NEK10: variants seen among roughly 807,000 people sequenced by gnomAD.
The protein encoded by NEK10 is NIMA related kinase 10.
A neutral mutation model predicts 159.8 loss-of-function variants in NEK10; 122 were observed. The ratio of observed to expected loss-of-function variants is 0.76; its 90% confidence interval spans 0.66 to 0.89. The LOEUF is 0.89. Ranked by LOEUF, NEK10 falls within the 40% of genes least tolerant of loss-of-function variation. The pLI is 0.00. For missense variants in NEK10, 1,342 were observed against 1,323.1 expected (o/e 1.01, Z -0.22); for synonymous variants, 466 against 457.1 (o/e 1.02, Z -0.25).
intron 23 of NEK10, among the ~76,000 whole-genome samples, chr3:27,229,601 C>A (rs1953012269): frequency 6.6e-6 from 1 of 151,702 alleles, no homozygotes; most frequent in Non-Finnish European, 1.5e-5. Flanking sequence ...AAGGTTAAAA[C>A]CAACATAAAG....
rs1168983506 is a variant in NEK10, at chr3:27,227,889, C to T, written c.2091-25332G>A. ...ACTCTTGAGTGGTATAATAGCGTGG[C>T]AGGCAATTTGAGTAAAAACTGCTTT... On this transcript the variant is annotated intron_variant, in intron 23 of 35. Transcript: ENST00000691995. Among the ~76,000 whole-genome samples the T allele has an allele frequency of 2.0e-5, 3 of 152,168 alleles. No homozygotes were observed. The East Asian group carries it at 5.8e-4, about 29-fold the overall frequency.
intron 30 of NEK10, among the ~76,000 whole-genome samples, chr3:27,148,127 T>G (rs1944485097): frequency 6.6e-6 from 1 of 152,146 alleles, no homozygotes; most frequent in Non-Finnish European, 1.5e-5. Context: ...TGAACAAGGT[T>G]CCAGCTATAG....
intron 19 of NEK10, among the ~76,000 whole-genome samples, chr3:27,289,278 C>T (rs934496352): frequency 3.3e-5 from 5 of 152,220 alleles, no homozygotes; most frequent in African/African-American, 1.2e-4. Context: ...TCTTTCTAAG[C>T]ACCTGCATTT....
chr3:27,353,099 A>C (rs1280067492), intron 1 of NEK10, among the ~76,000 whole-genome samples, 180 bp from the exon 2 acceptor site: 1 of 152,226 alleles, frequency 6.6e-6, no homozygotes, highest in Non-Finnish European at 1.5e-5. Flanking sequence ...TTCAAAGGAC[A>C]TTGGGAACAT....
At chr3:27,357,345 G>C (rs961300049) in intron 1 of NEK10, among the ~76,000 whole-genome samples, 3 of 152,130 alleles carry the variant, frequency 2.0e-5, no homozygotes, top group Non-Finnish European at 4.4e-5. Flanking sequence ...TACTTTTTTA[G>C]GTCAACAAAT....
intron 8 of NEK10, chr3:27,311,762 T>C (rs550528948): frequency 3.7e-6 from 1 of 269,388 alleles, no homozygotes; most frequent in South Asian, 5.0e-5. Context: ...TAGGCAATCA[T>C]GATTAACCCA....
rs1028464766 is a variant in NEK10, at chr3:27,301,923, T to G, written c.1029-88A>C. 3 of 1,027,156 alleles carry G rather than the reference T, an allele frequency of 2.9e-6. No homozygotes were observed. In the African/African-American group the frequency reaches 4.8e-5, roughly 16 times the overall value. The allele number at this position is 1,027,156 out of a possible 1,614,324, so 63.6% of individuals were successfully genotyped here. A position where few individuals can be genotyped will look rare whatever the true frequency, so the allele number is the denominator to read the frequency against. On this transcript the variant is annotated intron_variant, in intron 12 of 35. Transcript: ENST00000691995. ...GTGTCACATTTAAGAAATCTTTGCC[T>G]CCCTCAGGTCATGAAGGCATCATTA... is the stretch of plus-strand genomic sequence containing the variant.
At chr3:27,161,928 C>G (rs1443323838) in intron 30 of NEK10, among the ~76,000 whole-genome samples, 1 of 151,784 alleles carries the variant, frequency 6.6e-6, no homozygotes, top group African/African-American at 2.4e-5. Flanking sequence ...TCACTTGAAC[C>G]TGGGAGGTGA....
intron 22 of NEK10, among the ~76,000 whole-genome samples, chr3:27,282,762 A>G (rs2042300922): frequency 7.1e-6 from 1 of 140,784 alleles, no homozygotes. Flanking sequence ...TATATATACT[A>G]TTTGTTATAA....
chr3:27,322,161 T>G lies in NEK10; in HGVS notation c.447+16A>C. ...TTATAACAAGTAAAAAAAAAAATTGTATTTTTCCAACCAACCTGATAACAT... is the reference window on the plus strand; with the variant it reads ...TTATAACAAGTAAAAAAAAAAATTGGATTTTTCCAACCAACCTGATAACAT... On this transcript the variant is annotated intron_variant, in intron 6 of 35. Coordinates refer to ENST00000691995, the MANE Select transcript of NEK10 (RefSeq NM_001394966.1). 7.0e-7 allele frequency: 1 copy of G among 1,420,326 alleles called. No homozygotes were observed. Among genetic ancestry groups the G allele is most frequent in the Admixed American group, 2.2e-5 (1 of 45,116 alleles). 88.0% of individuals were successfully genotyped at this position (1,420,326 alleles called of 1,614,324 possible). A position where few individuals can be genotyped will look rare whatever the true frequency, so the allele number is the denominator to read the frequency against.
At chr3:27,345,194 C>T (rs1226192975) in intron 4 of NEK10, among the ~76,000 whole-genome samples, 1 of 152,074 alleles carries the variant, frequency 6.6e-6, no homozygotes, top group African/African-American at 2.4e-5. Flanking sequence ...CTTATGTTGC[C>T]ATGCGTAATG....
intron 29 of NEK10, among the ~76,000 whole-genome samples, chr3:27,165,371 TG>T (rs1946385024): frequency 6.6e-6 from 1 of 152,206 alleles, no homozygotes; most frequent in African/African-American, 2.4e-5. Context: ...ATGCAGAGCC[TG>T]GGGGAAGTCT....
At chr3:27,297,103 G>T (rs1431595772) in intron 14 of NEK10, 76 bp downstream of exon 14, 3 of 864,590 alleles carry the variant, frequency 3.5e-6, no homozygotes, top group East Asian at 2.5e-5. Context: ...CTATGTTCTG[G>T]GATACAGACT....
intron 20 of NEK10, among the ~76,000 whole-genome samples, chr3:27,285,642 A>C (rs561783508): frequency 5.3e-5 from 8 of 152,326 alleles, no homozygotes; most frequent in Middle Eastern, 3.4e-3. Flanking sequence ...GATGCCAAAA[A>C]ACAAAGGAGC....
intron 32 of NEK10, among the ~76,000 whole-genome samples, chr3:27,130,669 TA>T (rs1417777248): frequency 6.6e-6 from 1 of 152,058 alleles, no homozygotes; most frequent in African/African-American, 2.4e-5. Context: ...GAATATAAAA[TA>T]AGAATAAGAG....
Position 27,284,617 on chromosome 3 carries a change from CCTTATCCCCCAA to C in NEK10, c.1987_1998del (p.Leu663_Lys666del). 1.3e-6 allele frequency: 2 copies of C among 1,581,030 alleles called. No homozygotes were observed. The highest frequency in any genetic ancestry group is 1.7e-6 in the Non-Finnish European group (2 of 1,150,084). ...TTATACTTACTAACGGTTACTTTGT[CCTTATCCCCCAA>C]CATAATGTTGTTTGGTGTCAGATCT... On this transcript the variant is annotated inframe_deletion, in exon 22 of 36. Coordinates refer to ENST00000691995, the MANE Select transcript of NEK10 (RefSeq NM_001394966.1).
At chr3:27,262,832 C>G (rs189976438) in intron 22 of NEK10, among the ~76,000 whole-genome samples, 2 of 152,212 alleles carry the variant, frequency 1.3e-5, no homozygotes, top group African/African-American at 2.4e-5. Context: ...TCTCTCAACT[C>G]GTCAAAGTCA....
chr3:27,329,762 G>A (rs1196665367), intron 5 of NEK10, among the ~76,000 whole-genome samples: 1 of 152,198 alleles, frequency 6.6e-6, no homozygotes, highest in Non-Finnish European at 1.5e-5. Flanking sequence ...TGAGGCATTA[G>A]AGAAAAGAGT....
At chr3:27,203,943 C>A (rs568019760) in intron 23 of NEK10, among the ~76,000 whole-genome samples, 28 of 152,190 alleles carry the variant, frequency 1.8e-4, no homozygotes, top group Admixed American at 9.2e-4. Context: ...CAGGGCTCTG[C>A]GGTTCTAAAT....
Sources: allele counts gnomAD v4.1 joint callset (sites outside exome capture counted in the v4.1 genomes callset), GRCh38; gene constraint gnomAD v4.1.1; transcripts MANE v1.5; gene names NCBI Gene and HGNC (gene_info 2026-07-23, HGNC 2026-07-21).